Variants in CCNY observed in about 807,000 individuals in gnomAD.
CCNY encodes cyclin Y.
In CCNY, 19 loss-of-function variants were observed where a neutral mutation model predicts 42.8. That is an observed-to-expected ratio of 0.44 (90% confidence interval 0.31 to 0.65). CCNY has a LOEUF of 0.65. CCNY is among the 30% of genes least tolerant of loss of function. The probability of loss-of-function intolerance (pLI) is 0.07; values close to 1 mark genes in which losing one functional copy is unlikely to be tolerated. For synonymous variants in CCNY, 165 were observed against 162.7 expected (o/e 1.01, Z -0.11); for missense variants, 370 against 437.3 (o/e 0.85, Z 1.37).
Position 35,340,946 on chromosome 10 carries a change from C to T in CCNY, c.154+3739C>T, listed in dbSNP as rs1054175250. On this transcript the variant is annotated intron_variant, in intron 1 of 9. Transcript: ENST00000374704. ...ACCACTCTCAAGACCTCTGCTGCTGCTCTTCTGGAGATTTAAGCAGCTGCC... is the reference window on the plus strand; with the variant it reads ...ACCACTCTCAAGACCTCTGCTGCTGTTCTTCTGGAGATTTAAGCAGCTGCC... Among the ~76,000 whole-genome samples the T allele has an allele frequency of 2.0e-5, 3 of 152,314 alleles. No homozygotes were observed. The East Asian group carries it at 5.8e-4, about 29-fold the overall frequency.
At chr10:35,380,114 GA>G (rs1417123241) in intron 1 of CCNY, among the ~76,000 whole-genome samples, 1 of 152,204 alleles carries the variant, frequency 6.6e-6, no homozygotes, top group Non-Finnish European at 1.5e-5. Context: ...AAGCGAGTAG[GA>G]CTTGAACTCC....
chr10:35,303,254 C>T (rs1835559139), intron 3 of CCNY, among the ~76,000 whole-genome samples: 1 of 151,848 alleles, frequency 6.6e-6, no homozygotes, highest in African/African-American at 2.4e-5. Context: ...GACCTCGGCT[C>T]ACCGCAACCT....
chr10:35,273,823 A>G (rs1835204274), intron 3 of CCNY, among the ~76,000 whole-genome samples: 1 of 152,116 alleles, frequency 6.6e-6, no homozygotes, highest in Admixed American at 6.6e-5. Flanking sequence ...CAAACTCCCT[A>G]CAGCATCTTT....
Position 35,553,052 on chromosome 10 carries a change from A to G in CCNY, c.613A>G (p.Ile205Val). ...TGAAAGACTTTTAACATACGCAGAG[A>G]TAGATATCTGTCCGGCCAACTGGAA... is the stretch of plus-strand genomic sequence containing the variant. ...YLERLLTYAE[I>V]DICPANWKRI... The change falls in exon 8 of 10, where the codon ATA becomes GTA. Residue 205 changes from isoleucine (I) to valine (V), a missense_variant. Around this residue, in one of 2 missense-constraint regions of CCNY, gnomAD observed 234 missense variants for 313.1 expected, o/e 0.75. Transcript: ENST00000374704. The G allele has an allele frequency of 1.2e-6, 2 of 1,614,182 alleles. No homozygotes were observed. The highest frequency in any genetic ancestry group is 1.7e-6 in the Non-Finnish European group (2 of 1,180,010).
chr10:35,402,901 C>T (rs1311570363), intron 1 of CCNY, among the ~76,000 whole-genome samples: 1 of 152,084 alleles, frequency 6.6e-6, no homozygotes, highest in Non-Finnish European at 1.5e-5. Flanking sequence ...GTTAATGGGA[C>T]TGTATAGAGG....
In CCNY at chr10:35,293,975, A is replaced by G. The variant is rs563355139; in HGVS notation, c.-9+43349A>G. ...TCGGCTACTTTTTGTATTTTAGTAG[A>G]GACAGGCTTTCACCATGTTGGTCAG... On this transcript the variant is annotated intron_variant, in intron 3 of 11. Transcript: ENST00000374706. Among the ~76,000 whole-genome samples the G allele has an allele frequency of 4.6e-5, 7 of 152,136 alleles. No individual in the cohort carries two copies. In the East Asian group the frequency reaches 1.4e-3, roughly 29 times the overall value.
intron 1 of CCNY, among the ~76,000 whole-genome samples, chr10:35,386,692 T>G (rs1039137118): frequency 1.3e-5 from 2 of 152,164 alleles, no homozygotes; most frequent in Non-Finnish European, 2.9e-5. Context: ...GAAGGAAACT[T>G]GGAGGTTTTC....
intron 7 of CCNY, among the ~76,000 whole-genome samples, chr10:35,540,943 G>T (rs1472864401): frequency 6.6e-6 from 1 of 151,822 alleles, no homozygotes; most frequent in Non-Finnish European, 1.5e-5. Flanking sequence ...TTTGAATTTT[G>T]TTGTTTTTTC....
intron 1 of CCNY, among the ~76,000 whole-genome samples, chr10:35,420,327 T>A (rs1379588079): frequency 6.6e-6 from 1 of 152,140 alleles, no homozygotes; most frequent in Non-Finnish European, 1.5e-5. Flanking sequence ...TGGAGTGGGA[T>A]CCGACCCCAG....
chr10:35,457,275 G>T (rs1839057268), intron 1 of CCNY, among the ~76,000 whole-genome samples: 1 of 152,268 alleles, frequency 6.6e-6, no homozygotes, highest in East Asian at 1.9e-4. Flanking sequence ...CTTTAGTGAG[G>T]ATGGCACCCT....
chr10:35,513,214 A>G (rs1840357296), intron 3 of CCNY, among the ~76,000 whole-genome samples: 1 of 152,128 alleles, frequency 6.6e-6, no homozygotes, highest in African/African-American at 2.4e-5. Context: ...TCATAGCTTA[A>G]TCTGTAAGGT....
chr10:35,328,614 A>C (rs997289128), intron 3 of CCNY, among the ~76,000 whole-genome samples: 1 of 152,240 alleles, frequency 6.6e-6, no homozygotes, highest in Non-Finnish European at 1.5e-5. Context: ...CACTGCAGGC[A>C]GAACCAACTA....
intron 1 of CCNY, among the ~76,000 whole-genome samples, chr10:35,452,010 T>C (rs1283333933): frequency 6.6e-6 from 1 of 152,238 alleles, no homozygotes. Context: ...TTTTTATTCT[T>C]TAATAGTTCA....
intron 1 of CCNY, among the ~76,000 whole-genome samples, chr10:35,457,957 T>G (rs1839074125): frequency 6.6e-6 from 1 of 152,268 alleles, no homozygotes; most frequent in Admixed American, 6.5e-5. Flanking sequence ...TGAATTTTTT[T>G]CCTTCTGTTG....
In CCNY at chr10:35,509,905, G is replaced by T. The variant is rs548078880; in HGVS notation, c.265-6618G>T. ...CAAAATGAGTGGCCTTTATGGTTTC[G>T]TGGAGACTGTCTGTGAGCTGGGAGT... On this transcript the variant is annotated intron_variant, in intron 3 of 9. Transcript: ENST00000374704. 5.6e-4 allele frequency among the ~76,000 whole-genome samples: 86 copies of T among 152,252 alleles called. 1 individual carries two copies. In the South Asian group the frequency reaches 0.014, roughly 25 times the overall value.
chr10:35,280,823 C>T (rs1375862097), intron 3 of CCNY, among the ~76,000 whole-genome samples: 1 of 152,100 alleles, frequency 6.6e-6, no homozygotes, highest in Non-Finnish European at 1.5e-5. Flanking sequence ...CCATGGAATG[C>T]AATAAAATTT....
chr10:35,490,856 T>C (rs911855639), intron 2 of CCNY, among the ~76,000 whole-genome samples: 1 of 152,174 alleles, frequency 6.6e-6, no homozygotes, highest in Non-Finnish European at 1.5e-5. Flanking sequence ...CCTGCCTTTC[T>C]TTGTGAAGTT....
intron 4 of CCNY, among the ~76,000 whole-genome samples, chr10:35,521,426 C>T (rs549408243): frequency 6.6e-5 from 10 of 152,264 alleles, no homozygotes; most frequent in Admixed American, 6.5e-4. Flanking sequence ...TGGTAAGAGC[C>T]GGTTAACTCT....
intron 3 of CCNY, among the ~76,000 whole-genome samples, chr10:35,265,488 C>T (rs1164887653): frequency 6.6e-6 from 1 of 152,228 alleles, no homozygotes. Context: ...CTTCACTTTG[C>T]AACTTTGGTG....
Sources: gnomAD v4.1 joint callset for allele counts (sites outside exome capture counted in the v4.1 genomes callset) on GRCh38, gnomAD v4.1.1 for gene constraint, gnomAD v4.1.1 regional missense constraint, MANE v1.5 for transcripts, NCBI Gene and HGNC (gene_info 2026-07-23, HGNC 2026-07-21) for gene names.